The following DCDC2 variants were observed in gnomAD, a reference collection of about 807,000 sequenced individuals.
DCDC2 encodes doublecortin domain-containing protein 2.
Under a neutral mutation model 50.2 loss-of-function variants are expected in DCDC2, and 40 were observed. The ratio of observed to expected loss-of-function variants is 0.80; its 90% CI spans 0.62 to 1.04. The LOEUF is 1.04. Ranked by LOEUF, DCDC2 falls within the 50% of genes least tolerant of loss-of-function variation. The pLI, the probability that DCDC2 is intolerant of heterozygous loss-of-function variation, is 0.00. For missense variants in DCDC2, 570 were observed against 581.9 expected, an observed-to-expected ratio of 0.98 and a Z score of 0.21; for synonymous variants, 234 against 210.6, an observed-to-expected ratio of 1.11 and a Z score of -0.96.
intron 2 of DCDC2, among the ~76,000 whole-genome samples, chr6:24,328,256 T>C (rs1581655074): frequency 6.6e-6 from 1 of 152,324 alleles, no homozygotes; most frequent in African/African-American, 2.4e-5. Flanking sequence ...CTGAGGATTT[T>C]AAAGTGGATT....
chr6:24,211,904 C>T (rs767679927), intron 7 of DCDC2, among the ~76,000 whole-genome samples: 1 of 152,166 alleles, frequency 6.6e-6, no homozygotes, highest in Non-Finnish European at 1.5e-5. Context: ...AATGATACAA[C>T]ATGTGTCTAG....
intron 7 of DCDC2, among the ~76,000 whole-genome samples, chr6:24,232,025 ACACAT>A (rs1241412994): frequency 7.5e-6 from 1 of 132,790 alleles, no homozygotes; most frequent in African/African-American, 2.9e-5. Flanking sequence ...ACACACACAC[ACACAT>A]ACACACATAC....
At chr6:24,237,462 C>T (rs541403958) in intron 7 of DCDC2, among the ~76,000 whole-genome samples, 1 of 152,262 alleles carries the variant, frequency 6.6e-6, no homozygotes, top group Non-Finnish European at 1.5e-5. Context: ...TGTTTATACG[C>T]TGTTGGTGGG....
chr6:24,185,129 T>A (rs1231726884), intron 8 of DCDC2, among the ~76,000 whole-genome samples: 2 of 152,210 alleles, frequency 1.3e-5, no homozygotes, highest in African/African-American at 4.8e-5. Context: ...TCTTTCTTTA[T>A]CCAGAATTCC....
At chr6:24,376,737 CAAAAAAA>C in the DCDC2 span, among the ~76,000 whole-genome samples, 51 of 46,758 alleles carry the variant, frequency 1.1e-3, no homozygotes, top group Admixed American at 1.4e-3. Flanking sequence ...CAGGTATATG[CAAAAAAA>C]AAAAAAAAAA....
chr6:24,236,333 A>C (rs916981509), intron 7 of DCDC2, among the ~76,000 whole-genome samples: 10 of 152,226 alleles, frequency 6.6e-5, no homozygotes, highest in African/African-American at 2.4e-4. Context: ...CAATGGGGAA[A>C]GAACTCCCTA....
At chr6:24,362,812 C>T (rs945682936), upstream of DCDC2, among the ~76,000 whole-genome samples, 1 of 152,316 alleles carries the variant, frequency 6.6e-6, no homozygotes, top group Non-Finnish European at 1.5e-5. Context: ...ATATACATTT[C>T]TCTTCTTCAC....
At chr6:24,197,266 C>T (rs1167325559) in intron 8 of DCDC2, among the ~76,000 whole-genome samples, 1 of 152,204 alleles carries the variant, frequency 6.6e-6, no homozygotes, top group African/African-American at 2.4e-5. Flanking sequence ...AATTTTCCCT[C>T]CCAACTCCCC....
intron 4 of DCDC2, among the ~76,000 whole-genome samples, chr6:24,297,449 C>T (rs574290837): frequency 2.6e-5 from 4 of 152,160 alleles, no homozygotes; most frequent in Admixed American, 1.3e-4. Context: ...CACATGTACC[C>T]GTGAACCTAA....
intron 6 of DCDC2, among the ~76,000 whole-genome samples, chr6:24,286,286 C>T (rs1467879293): frequency 1.3e-5 from 2 of 152,146 alleles, no homozygotes; most frequent in African/African-American, 4.8e-5. Context: ...AGGACCATTA[C>T]ATGGTTGTTC....
rs76104407 is a variant in DCDC2, at chr6:24,326,358, C to G, written c.349-24314G>C. 7.4e-5 allele frequency among the ~76,000 whole-genome samples: 11 copies of G among 148,492 alleles called. 4 individuals are homozygous for G. Among genetic ancestry groups the G allele is most frequent in the Non-Finnish European group, 1.3e-4 (9 of 66,870 alleles). Reference sequence around the variant, plus strand: ...GAATACACCAACCAATAGAAGGACCCCCCCATGCCCTAGAGCTCCCTGGAT... The same window carrying G: ...GAATACACCAACCAATAGAAGGACCGCCCCATGCCCTAGAGCTCCCTGGAT... On this transcript the variant is annotated intron_variant, in intron 2 of 9. Coordinates refer to ENST00000378454, the MANE Select transcript of DCDC2 (RefSeq NM_016356.5).
intron 9 of DCDC2, among the ~76,000 whole-genome samples, chr6:24,176,437 C>T (rs989739863): frequency 3.9e-5 from 6 of 152,004 alleles, no homozygotes; most frequent in Admixed American, 1.3e-4. Flanking sequence ...TTGATCTTGA[C>T]GGATGCCCAA....
intron 2 of DCDC2, among the ~76,000 whole-genome samples, chr6:24,312,088 G>A (rs1229431199): frequency 6.6e-6 from 1 of 151,996 alleles, no homozygotes; most frequent in Non-Finnish European, 1.5e-5. Context: ...CTCCTGGACA[G>A]TGAGTCTCAG....
At chr6:24,250,381 G>A (rs1043574294) in intron 7 of DCDC2, among the ~76,000 whole-genome samples, 5 of 152,144 alleles carry the variant, frequency 3.3e-5, no homozygotes, top group Admixed American at 1.3e-4. Context: ...CAGTAATCAC[G>A]GCTGGCTAAA....
chr6:24,301,946 A>AG, intron 3 of DCDC2, 22 bp downstream of exon 3: 1 of 1,611,934 alleles, frequency 6.2e-7, no homozygotes, highest in Non-Finnish European at 8.5e-7. Flanking sequence ...TTTAACTTGA[A>AG]GTATAAAGGG....
chr6:24,322,960 G>A (rs1355235982), intron 2 of DCDC2, among the ~76,000 whole-genome samples: 7 of 152,186 alleles, frequency 4.6e-5, no homozygotes, highest in Non-Finnish European at 1.0e-4. Context: ...TACAGAGTTT[G>A]ACTCTTTTTG....
At position 24,262,948 on chromosome 6, in the gene DCDC2, T is replaced by C. The variant is rs555905167; in HGVS notation, c.922+15101A>G. ...AGTGTTGCCCTGGCTTTAGGTCTGA[T>C]CCAGTGCAGTCCCAGTGGTGGTGGC... is the stretch of plus-strand genomic sequence containing the variant. On this transcript the variant is annotated intron_variant, in intron 7 of 9. Coordinates refer to ENST00000378454, the MANE Select transcript of DCDC2 (RefSeq NM_016356.5). Among the ~76,000 whole-genome samples the C allele has an allele frequency of 4.6e-5, 7 of 152,292 alleles. No individual in the cohort carries two copies. In the East Asian group the frequency reaches 1.4e-3, roughly 29 times the overall value.
At chr6:24,213,493 C>G (rs890193162) in intron 7 of DCDC2, among the ~76,000 whole-genome samples, 3 of 152,046 alleles carry the variant, frequency 2.0e-5, no homozygotes, top group Non-Finnish European at 4.4e-5. Flanking sequence ...TAAGGCAATA[C>G]TCTTTATGTG....
intron 7 of DCDC2, among the ~76,000 whole-genome samples, chr6:24,216,187 A>ATTCT (rs770000398): frequency 2.4e-4 from 37 of 152,348 alleles, no homozygotes; most frequent in Non-Finnish European, 4.0e-4. Flanking sequence ...AACAGTCAGA[A>ATTCT]TACCATTGAT....
Sources: allele counts gnomAD v4.1 joint callset (sites outside exome capture counted in the v4.1 genomes callset), GRCh38; gene constraint gnomAD v4.1.1; transcripts MANE v1.5; gene names NCBI Gene and HGNC (gene_info 2026-07-23, HGNC 2026-07-21).